Variants in SLC25A31 observed in about 807,000 individuals in gnomAD.
SLC25A31 encodes the protein solute carrier family 25 member 31.
Under a neutral mutation model 36.2 loss-of-function variants are expected in SLC25A31, and 40 were observed. That is an observed-to-expected ratio of 1.10 (90% CI 0.86 to 1.44). The LOEUF is 1.44. Ranked by LOEUF, SLC25A31 falls within the 40% of genes most tolerant of loss-of-function variation. The pLI is 0.00. For synonymous variants in SLC25A31, 143 were observed against 149.7 expected (o/e 0.96, Z 0.32); for missense variants, 350 against 397.1 (o/e 0.88, Z 1.01).
intron 1 of SLC25A31, among the ~76,000 whole-genome samples, chr4:127,738,624 C>T (rs1449048758): frequency 6.6e-6 from 1 of 152,058 alleles, no homozygotes; most frequent in Non-Finnish European, 1.5e-5. Context: ...CTATTAGGTT[C>T]GAATGGTCAA....
In SLC25A31 at chr4:127,744,690, G is replaced by A. The variant is rs1006044667; in HGVS notation, c.251G>A (p.Arg84His). The A allele has an allele frequency of 1.5e-5, 24 of 1,596,738 alleles. No individual in the cohort carries two copies. Among genetic ancestry groups the A allele is most frequent in the Middle Eastern group, 1.7e-4 (1 of 5,964 alleles). ...TCTGTAGGTTTCTTCAGTTTTTGGCGTGGCAATTTGGCAAATGTTATTCGG... is the reference window on the plus strand; with the variant it reads ...TCTGTAGGTTTCTTCAGTTTTTGGCATGGCAATTTGGCAAATGTTATTCGG... ...PREQGFFSFW[R>H]GNLANVIRYF... Residue 84 changes from arginine to histidine, a missense_variant, in exon 2 of 6, where the codon CGT becomes CAT. Arg to His is a conservative substitution (Grantham distance 29). Coordinates refer to ENST00000281154, the MANE Select transcript of SLC25A31 (RefSeq NM_031291.4).
At chr4:127,753,099 G>T (rs1170292805) in intron 2 of SLC25A31, among the ~76,000 whole-genome samples, 1 of 152,026 alleles carries the variant, frequency 6.6e-6, no homozygotes, top group Admixed American at 6.6e-5. Context: ...ACATGCTTCT[G>T]AACAACCAGT....
chr4:127,737,270 A>G (rs142822827), intron 1 of SLC25A31, among the ~76,000 whole-genome samples: 1 of 152,308 alleles, frequency 6.6e-6, no homozygotes, highest in African/African-American at 2.4e-5. Flanking sequence ...CCCATTAAGA[A>G]TTGCCTGCTA....
rs572126700 is a variant in SLC25A31 at position 127,771,004 on chromosome 4, T to A, written c.759+2127T>A. ...TGGAGTCTCACTGTGTCGCCGAGGC[T>A]GGAGTGCAGTGGTGCAATCTCGGCT... On this transcript the variant is annotated intron_variant, in intron 5 of 5. Coordinates refer to ENST00000281154, the MANE Select transcript of SLC25A31 (RefSeq NM_031291.4). Among the ~76,000 whole-genome samples the A allele has an allele frequency of 1.7e-3, 255 of 145,944 alleles. 2 individuals are homozygous for A. Among genetic ancestry groups the A allele is most frequent in the African/African-American group, 6.6e-3 (251 of 38,046 alleles).
chr4:127,757,212 TGGGC>T (rs1732047442), intron 2 of SLC25A31, among the ~76,000 whole-genome samples: 1 of 152,200 alleles, frequency 6.6e-6, no homozygotes, highest in Non-Finnish European at 1.5e-5. Context: ...TGCTGGGGTT[TGGGC>T]ATCTGTTGAA....
intron 2 of SLC25A31, among the ~76,000 whole-genome samples, chr4:127,761,488 C>T (rs948265415): frequency 4.6e-5 from 7 of 152,272 alleles, no homozygotes; most frequent in Non-Finnish European, 8.8e-5. Flanking sequence ...GGCACCTCTA[C>T]GGACCAAACT....
intron 2 of SLC25A31, among the ~76,000 whole-genome samples, chr4:127,751,304 C>G (rs1274840231): frequency 6.6e-6 from 1 of 152,066 alleles, no homozygotes; most frequent in African/African-American, 2.4e-5. Context: ...ACAAACCTGA[C>G]AAAAACAAGA....
At chr4:127,750,801 T>TA (rs1209128156) in intron 2 of SLC25A31, among the ~76,000 whole-genome samples, 2 of 150,012 alleles carry the variant, frequency 1.3e-5, no homozygotes, top group Non-Finnish European at 3.0e-5. Context: ...TTTACAGAAA[T>TA]ACAACAAATT....
intron 2 of SLC25A31, among the ~76,000 whole-genome samples, chr4:127,749,527 C>T (rs999194124): frequency 6.6e-5 from 10 of 152,060 alleles, no homozygotes; most frequent in Admixed American, 2.6e-4. Context: ...AGGCGGATCA[C>T]GAGGTCAGCA....
intron 1 of SLC25A31, among the ~76,000 whole-genome samples, chr4:127,738,859 T>C (rs1731682370): frequency 1.3e-5 from 2 of 152,244 alleles, no homozygotes; most frequent in African/African-American, 4.8e-5. Flanking sequence ...CATTATGTGA[T>C]GCACATCTTT....
intron 2 of SLC25A31, among the ~76,000 whole-genome samples, chr4:127,745,698 GGGT>G (rs1299321335): frequency 2.0e-5 from 3 of 152,154 alleles, no homozygotes; most frequent in Non-Finnish European, 2.9e-5. Flanking sequence ...ACTTTGGCCA[GGGT>G]GGTGGGGCAG....
chr4:127,732,926 CA>C (rs1238996400), intron 1 of SLC25A31, among the ~76,000 whole-genome samples: 1 of 152,134 alleles, frequency 6.6e-6, no homozygotes, highest in Admixed American at 6.5e-5. Context: ...AGGCAAGGGC[CA>C]GGAATGTTAA....
intron 2 of SLC25A31, among the ~76,000 whole-genome samples, chr4:127,759,662 GA>G (rs1732092363): frequency 6.6e-6 from 1 of 152,296 alleles, no homozygotes; most frequent in African/African-American, 2.4e-5. Context: ...AAACTACTGA[GA>G]GGGGAGATGG....
chr4:127,767,257 A>G (rs758788174), intron 4 of SLC25A31, 37 bp downstream of exon 4: 2 of 1,405,970 alleles, frequency 1.4e-6, no homozygotes, highest in African/African-American at 2.9e-5. Flanking sequence ...TATTAAATAT[A>G]TGGTTTCCAT....
chr4:127,770,833 AG>A (rs1732343181), intron 5 of SLC25A31, among the ~76,000 whole-genome samples: 4 of 152,028 alleles, frequency 2.6e-5, no homozygotes, highest in Admixed American at 2.6e-4. Flanking sequence ...GAAGGCTACA[AG>A]TCTGAGATCA....
chr4:127,764,768 T>A (rs2148763886), intron 3 of SLC25A31, among the ~76,000 whole-genome samples: 1 of 152,284 alleles, frequency 6.6e-6, no homozygotes. Flanking sequence ...TATTACACCC[T>A]TGTTTTTTGG....
intron 1 of SLC25A31, among the ~76,000 whole-genome samples, chr4:127,738,412 T>C (rs1434934339): frequency 6.6e-6 from 1 of 152,176 alleles, no homozygotes; most frequent in East Asian, 1.9e-4. Flanking sequence ...TCCATATAAT[T>C]TGTGCTTTTG....
At chr4:127,736,044 C>T (rs932210464) in intron 1 of SLC25A31, among the ~76,000 whole-genome samples, 9 of 150,836 alleles carry the variant, frequency 6.0e-5, no homozygotes, top group Non-Finnish European at 1.3e-4. Flanking sequence ...CGCCCGCTAC[C>T]ACGCCCGGCT....
chr4:127,749,786 G>T (rs1160628158), intron 2 of SLC25A31, among the ~76,000 whole-genome samples: 1 of 151,542 alleles, frequency 6.6e-6, no homozygotes, highest in African/African-American at 2.4e-5. Context: ...GATAACTCTG[G>T]TTATCCTGAA....
Sources: gnomAD v4.1 joint callset for allele counts (sites outside exome capture counted in the v4.1 genomes callset) on GRCh38, gnomAD v4.1.1 for gene constraint, MANE v1.5 for transcripts, NCBI Gene and HGNC (gene_info 2026-07-23, HGNC 2026-07-21) for gene names.